Variants in KIRREL3 observed in about 807,000 individuals in gnomAD.
KIRREL3 encodes kirre like nephrin family adhesion molecule 3.
In KIRREL3, 36 loss-of-function variants were observed where a neutral mutation model predicts 89.7. That is an observed-to-expected ratio of 0.40 (90% CI 0.31 to 0.53). KIRREL3 has a LOEUF of 0.53. Ranked by LOEUF, KIRREL3 falls within the 20% of genes least tolerant of loss-of-function variation. The probability of loss-of-function intolerance (pLI) is 0.49; values close to 1 mark genes in which losing one functional copy is unlikely to be tolerated. For missense variants in KIRREL3, 864 were observed against 1,056.6 expected, an observed-to-expected ratio of 0.82 and a Z score of 2.53; for synonymous variants, 445 against 441.4, an observed-to-expected ratio of 1.01 and a Z score of -0.10.
intron 1 of KIRREL3, among the ~76,000 whole-genome samples, chr11:126,922,249 T>A (rs1248127848): frequency 6.6e-6 from 1 of 152,014 alleles, no homozygotes; most frequent in Non-Finnish European, 1.5e-5. Flanking sequence ...ATGATCTCCC[T>A]CCTCAACTGG....
At chr11:126,923,058 G>C (rs1158172718) in intron 1 of KIRREL3, among the ~76,000 whole-genome samples, 2 of 151,856 alleles carry the variant, frequency 1.3e-5, no homozygotes, top group Admixed American at 1.3e-4. Context: ...TCCTTCTCTG[G>C]ATGTTTCTGC....
At chr11:126,869,709 CT>C (rs1945046637) in intron 1 of KIRREL3, among the ~76,000 whole-genome samples, 1 of 152,126 alleles carries the variant, frequency 6.6e-6, no homozygotes, top group Non-Finnish European at 1.5e-5. Context: ...CCTCACCCCA[CT>C]CCCAACTAGG....
At chr11:126,661,072 A>T (rs774048514) in intron 1 of KIRREL3, among the ~76,000 whole-genome samples, 14 of 152,188 alleles carry the variant, frequency 9.2e-5, no homozygotes, top group Admixed American at 9.2e-4. Context: ...TTGGTGAAAT[A>T]CCCCAAATAG....
chr11:126,446,934 T>C (rs1955842913), intron 8 of KIRREL3, 48 bp from the exon 9 acceptor site: 2 of 1,583,092 alleles, frequency 1.3e-6, no homozygotes, highest in Admixed American at 1.8e-5. Flanking sequence ...TGGGGAGCTC[T>C]GGGATCCTCC....
intron 1 of KIRREL3, among the ~76,000 whole-genome samples, chr11:126,577,217 C>A (rs1941300775): frequency 6.6e-6 from 1 of 152,116 alleles, no homozygotes; most frequent in Non-Finnish European, 1.5e-5. Context: ...AAAGGATGAA[C>A]ATTTTCTCTA....
In KIRREL3 at chr11:126,948,624, A is replaced by G. The variant is rs777137129; in HGVS notation, c.55+51831T>C. 6.6e-6 allele frequency among the ~76,000 whole-genome samples: 1 copy of G among 152,268 alleles called. No homozygotes were observed. Among genetic ancestry groups the G allele is most frequent in the Non-Finnish European group, 1.5e-5 (1 of 68,052 alleles). Reference sequence around the variant, plus strand: ...TCTATGGGACTCAGTTTCCTTATTCAGAGCTTGACCAGTGCTCTTTTTTGC... The same window carrying G: ...TCTATGGGACTCAGTTTCCTTATTCGGAGCTTGACCAGTGCTCTTTTTTGC... On this transcript the variant is annotated intron_variant, in intron 1 of 16. Transcript: ENST00000525144. The surrounding 1 kb of genome is among the most constrained non-coding windows in gnomAD (Gnocchi z 4.5).
At chr11:126,456,232 C>A in intron 7 of KIRREL3, 117 bp downstream of exon 7, 1 of 675,690 alleles carries the variant, frequency 1.5e-6, no homozygotes, top group Non-Finnish European at 2.6e-6. Context: ...ACTGGACACG[C>A]GGTGTGGACT....
At chr11:126,504,875 C>T (rs1413064720) in intron 4 of KIRREL3, among the ~76,000 whole-genome samples, 1 of 152,160 alleles carries the variant, frequency 6.6e-6, no homozygotes, top group Non-Finnish European at 1.5e-5. Flanking sequence ...TACTGTAATA[C>T]ACTATATTAA....
rs1169912003 is a variant in KIRREL3 at position 126,976,494 on chromosome 11, G to C, written c.55+23961C>G. ...ATCTACAATTTTACTTTTTTAAAAA[G>C]TGTGACATTTTTCCAGACTCTCCTA... On this transcript the variant is annotated intron_variant, in intron 1 of 16. Coordinates refer to ENST00000525144, the MANE Select transcript of KIRREL3 (RefSeq NM_032531.4). The surrounding 1 kb of genome is among the most constrained non-coding windows in gnomAD (Gnocchi z 4.2). 6.6e-6 allele frequency among the ~76,000 whole-genome samples: 1 copy of C among 152,032 alleles called. No individual in the cohort carries two copies. Among genetic ancestry groups the C allele is most frequent in the Non-Finnish European group, 1.5e-5 (1 of 68,004 alleles).
intron 1 of KIRREL3, among the ~76,000 whole-genome samples, chr11:126,717,805 C>A (rs1948024638): frequency 6.6e-6 from 1 of 152,180 alleles, no homozygotes; most frequent in African/African-American, 2.4e-5. Flanking sequence ...GTAATGCCAC[C>A]CTGCGCTGAT....
At chr11:126,674,171 T>G (rs771970250) in intron 1 of KIRREL3, among the ~76,000 whole-genome samples, 1 of 152,220 alleles carries the variant, frequency 6.6e-6, no homozygotes, top group Non-Finnish European at 1.5e-5. Context: ...CAATTCTTCT[T>G]TTCTCATGAA....
Position 126,515,088 on chromosome 11 carries a change from AC to A in KIRREL3, c.433+6226del, listed in dbSNP as rs529723694. The stretch of plus-strand genomic sequence containing the variant: ...CCCGGTGGGGGAAACAGACATGAAA[AC>A]AGTTACTCTCAACATAGCGTGTCGA... On this transcript the variant is annotated intron_variant, in intron 4 of 16. Transcript: ENST00000525144. This position sits in a 1 kb window ranked among gnomAD's most constrained non-coding sequence, Gnocchi z 4.2. Among the ~76,000 whole-genome samples the A allele has an allele frequency of 5.9e-5, 9 of 152,148 alleles. No individual in the cohort carries two copies. Among genetic ancestry groups the A allele is most frequent in the Non-Finnish European group, 1.2e-4 (8 of 68,030 alleles).
chr11:126,983,815 TAAC>T lies in KIRREL3; in HGVS notation c.55+16637_55+16639del. Reference sequence around the variant, plus strand: ...AGCCACTACGTCTGTGGTAACATGTTAACAGCAGCACTGGGAAACAAATACACT... The same window carrying T: ...AGCCACTACGTCTGTGGTAACATGTTAGCAGCACTGGGAAACAAATACACT... On this transcript the variant is annotated intron_variant, in intron 1 of 16. Transcript: ENST00000525144. This position sits in a 1 kb window ranked among gnomAD's most constrained non-coding sequence, Gnocchi z 4.9. Among the ~76,000 whole-genome samples, 1 of 152,306 alleles carries T rather than the reference TAAC, an allele frequency of 6.6e-6. No homozygotes were observed. The highest frequency in any genetic ancestry group is 2.4e-5 in the African/African-American group (1 of 41,564).
rs756079391 is a variant in KIRREL3 at position 126,531,107 on chromosome 11, C to T, written c.134-4420G>A. On this transcript the variant is annotated intron_variant, in intron 2 of 16. Coordinates refer to ENST00000525144, the MANE Select transcript of KIRREL3 (RefSeq NM_032531.4). The surrounding 1 kb of genome is among the most constrained non-coding windows in gnomAD (Gnocchi z 4.7). ...CCTCCCAAAGTGTTGGGATTACGAG[C>T]GTGAGCCACCATGCCCGGCCCCATG... Among the ~76,000 whole-genome samples the T allele has an allele frequency of 5.8e-4, 88 of 152,258 alleles. No individual in the cohort carries two copies. Among genetic ancestry groups the T allele is most frequent in the African/African-American group, 2.0e-3 (83 of 41,558 alleles).
rs1447335522 is a variant in KIRREL3, at chr11:126,752,461, C to T, written c.56-189549G>A. Among the ~76,000 whole-genome samples, 2 of 152,056 alleles carry T rather than the reference C, an allele frequency of 1.3e-5. No homozygotes were observed. Among genetic ancestry groups the T allele is most frequent in the East Asian group, 1.9e-4 (1 of 5,186 alleles). The stretch of plus-strand genomic sequence containing the variant: ...TGGAATTAACATTATCATTACAGTG[C>T]TAATAATAATAATTGCATAATAGCA... On this transcript the variant is annotated intron_variant, in intron 1 of 16. Transcript: ENST00000525144. This position sits in a 1 kb window ranked among gnomAD's most constrained non-coding sequence, Gnocchi z 4.8.
chr11:126,930,395 G>A lies in KIRREL3; in HGVS notation c.55+70060C>T, dbSNP rs534200572. The stretch of plus-strand genomic sequence containing the variant: ...CTTGCCTGTTGTGCCTATATTCAAA[G>A]CATTGGAATTGGGCTGCTCCAGGCT... On this transcript the variant is annotated intron_variant, in intron 1 of 16. Coordinates refer to ENST00000525144, the MANE Select transcript of KIRREL3 (RefSeq NM_032531.4). Among the ~76,000 whole-genome samples the A allele has an allele frequency of 2.1e-4, 32 of 152,280 alleles. 1 individual carries two copies. In the South Asian group the frequency reaches 3.7e-3, roughly 18 times the overall value.
intron 1 of KIRREL3, among the ~76,000 whole-genome samples, chr11:126,767,747 G>T (rs767165233): frequency 6.6e-6 from 1 of 152,126 alleles, no homozygotes; most frequent in Non-Finnish European, 1.5e-5. Context: ...TGCTAGAGAC[G>T]GCTGAAAGGG....
chr11:126,532,424 G>A (rs968820791), intron 2 of KIRREL3, among the ~76,000 whole-genome samples: 1 of 152,088 alleles, frequency 6.6e-6, no homozygotes, highest in African/African-American at 2.4e-5. Flanking sequence ...CGCCCAGGAT[G>A]GAGTGCAATG....
chr11:126,888,383 CACCAGGGCCCGTGCCAGATTCTT>C (rs369523044), intron 1 of KIRREL3, among the ~76,000 whole-genome samples: 1,987 of 152,218 alleles, frequency 0.013, 47 homozygotes, highest in African/African-American at 0.045. Flanking sequence ...GCCAGATTCT[CACCAGGGCCCGTGCCAGATTCTT>C]ACCAGGCTGC....
Sources: gnomAD v4.1 joint callset for allele counts (sites outside exome capture counted in the v4.1 genomes callset) on GRCh38, gnomAD v4.1.1 for gene constraint, Gnocchi (gnomAD v3.1) non-coding constraint, MANE v1.5 for transcripts, NCBI Gene and HGNC (gene_info 2026-07-23, HGNC 2026-07-21) for gene names.